The following SYNPR variants were observed in gnomAD, a reference collection of about 807,000 sequenced individuals.
The protein encoded by SYNPR is synaptoporin.
A neutral mutation model predicts 32.9 loss-of-function variants in SYNPR; 23 were observed. The observed-to-expected ratio is 0.70, with a 90% CI of 0.50 to 0.99. The LOEUF (loss-of-function observed/expected upper bound fraction) is 0.99, where lower values mean the gene tolerates loss of function less well. Among genes scored for constraint, SYNPR ranks in the 50% least tolerant of loss-of-function variants. The pLI, the probability that SYNPR is intolerant of heterozygous loss-of-function variation, is 0.00. For missense variants in SYNPR, 318 were observed against 349.3 expected (o/e 0.91, Z 0.71); for synonymous variants, 146 against 135.9 (o/e 1.07, Z -0.52).
intron 2 of SYNPR, among the ~76,000 whole-genome samples, chr3:63,262,493 T>G (rs2086447491): frequency 6.6e-6 from 1 of 152,162 alleles, no homozygotes; most frequent in Non-Finnish European, 1.5e-5. Flanking sequence ...CCCCTGCACT[T>G]CTAGACTGTG....
At chr3:63,367,264 G>A (rs1001592548) in intron 2 of SYNPR, among the ~76,000 whole-genome samples, 1 of 152,118 alleles carries the variant, frequency 6.6e-6, no homozygotes, top group Non-Finnish European at 1.5e-5. Context: ...AATTCAGAGT[G>A]TTGAGTTAGA....
intron 3 of SYNPR, among the ~76,000 whole-genome samples, chr3:63,273,156 TA>T (rs2086549701): frequency 6.6e-6 from 1 of 152,204 alleles, no homozygotes; most frequent in African/African-American, 2.4e-5. Flanking sequence ...ACTTCAGTTC[TA>T]CAGAGAAATT....
At chr3:63,444,513 G>T (rs1352864399) in intron 2 of SYNPR, among the ~76,000 whole-genome samples, 1 of 152,136 alleles carries the variant, frequency 6.6e-6, no homozygotes. Flanking sequence ...TGTGATGAAA[G>T]TTAAAGGCAC....
chr3:63,396,195 C>T (rs1272186455), intron 2 of SYNPR, among the ~76,000 whole-genome samples: 2 of 152,110 alleles, frequency 1.3e-5, no homozygotes, highest in Non-Finnish European at 2.9e-5. Context: ...AGTTGGTATG[C>T]CCTCACTATA....
At chr3:63,425,778 G>T (rs1475465848) in intron 2 of SYNPR, among the ~76,000 whole-genome samples, 3 of 146,134 alleles carry the variant, frequency 2.1e-5, no homozygotes, top group Admixed American at 6.9e-5. Context: ...TATGGAAATA[G>T]ACTTTTTTTT....
intron 2 of SYNPR, among the ~76,000 whole-genome samples, chr3:63,303,107 T>A (rs966798722): frequency 3.8e-4 from 58 of 151,918 alleles, no homozygotes; most frequent in African/African-American, 1.1e-3. Context: ...GATTGTTGGT[T>A]ACAAAAATTT....
At chr3:63,465,508 TTAA>T (rs1700660755) in intron 2 of SYNPR, among the ~76,000 whole-genome samples, 1 of 151,914 alleles carries the variant, frequency 6.6e-6, no homozygotes, top group East Asian at 1.9e-4. Context: ...TATAGATTGC[TTAA>T]TAATCTGATC....
At chr3:63,310,538 A>G (rs996496372) in intron 2 of SYNPR, among the ~76,000 whole-genome samples, 2 of 151,978 alleles carry the variant, frequency 1.3e-5, no homozygotes, top group Admixed American at 6.6e-5. Context: ...TTCCTATTTC[A>G]TATAGATTCT....
intron 2 of SYNPR, among the ~76,000 whole-genome samples, chr3:63,261,711 T>TATAATAATAATAATAATAATAATA (rs60616720): frequency 2.1e-5 from 3 of 145,598 alleles, no homozygotes; most frequent in African/African-American, 7.7e-5. Context: ...AAACTTAAAG[T>TATAATAATAATAATAATAATAATA]ATAATAATAA....
chr3:63,405,159 G>T (rs546841209), intron 2 of SYNPR, among the ~76,000 whole-genome samples: 1 of 152,238 alleles, frequency 6.6e-6, no homozygotes, highest in East Asian at 1.9e-4. Flanking sequence ...TCTCAAGTGA[G>T]AAGCATGGCT....
chr3:63,261,333 T>C (rs1380642498), intron 2 of SYNPR, among the ~76,000 whole-genome samples: 5 of 151,810 alleles, frequency 3.3e-5, no homozygotes, highest in South Asian at 2.1e-4. Context: ...CCAACAATGA[T>C]AGACAGGATT....
intron 2 of SYNPR, among the ~76,000 whole-genome samples, chr3:63,467,201 T>C (rs1700700390): frequency 6.6e-6 from 1 of 152,052 alleles, no homozygotes; most frequent in Non-Finnish European, 1.5e-5. Context: ...ATTTAATTTA[T>C]TTATTTTGTA....
intron 2 of SYNPR, among the ~76,000 whole-genome samples, chr3:63,474,166 A>G (rs61555145): frequency 0.073 from 11,078 of 152,134 alleles, 1,098 homozygotes; most frequent in African/African-American, 0.21. Context: ...TTGTCCCCCA[A>G]AAGGGCAAGA....
intron 2 of SYNPR, among the ~76,000 whole-genome samples, chr3:63,379,618 C>A (rs1175046981): frequency 6.6e-6 from 1 of 152,016 alleles, no homozygotes; most frequent in Non-Finnish European, 1.5e-5. Context: ...TTTACTTTAT[C>A]TCATTTTAAT....
At chr3:63,582,730 T>A (rs1703112932) in intron 4 of SYNPR, among the ~76,000 whole-genome samples, 1 of 152,080 alleles carries the variant, frequency 6.6e-6, no homozygotes, top group Admixed American at 6.6e-5. Context: ...AAATCCTTAA[T>A]GGTTAGGGAC....
intron 1 of SYNPR, among the ~76,000 whole-genome samples, chr3:63,235,386 C>CTTTTTTTTGAATTTT (rs763447165): frequency 6.6e-6 from 1 of 152,064 alleles, no homozygotes; most frequent in Non-Finnish European, 1.5e-5. Flanking sequence ...GAAAAGAGAA[C>CTTTTTTTTGAATTTT]TTGAATTTAC....
At chr3:63,573,631 G>C (rs1162267379) in intron 4 of SYNPR, among the ~76,000 whole-genome samples, 2 of 152,148 alleles carry the variant, frequency 1.3e-5, no homozygotes, top group Non-Finnish European at 2.9e-5. Flanking sequence ...AATTGCCAAA[G>C]TCACACAGTT....
Position 63,523,502 on chromosome 3 carries a change from C to G in SYNPR, c.210-33041C>G, listed in dbSNP as rs535288088. Among the ~76,000 whole-genome samples, 10 of 152,278 alleles carry G rather than the reference C, an allele frequency of 6.6e-5. No individual in the cohort carries two copies. The South Asian group carries it at 2.1e-3, about 32-fold the overall frequency. ...CCTACCTCATCCCAGGAATTATTCT[C>G]TCCCTTTGCCCCTAATCACCAAAGG... On this transcript the variant is annotated intron_variant, in intron 3 of 5. Transcript: ENST00000478300.
intron 2 of SYNPR, among the ~76,000 whole-genome samples, chr3:63,383,662 A>G (rs1311318248): frequency 6.6e-6 from 1 of 152,206 alleles, no homozygotes; most frequent in Admixed American, 6.5e-5. Flanking sequence ...ATAAATAAAA[A>G]TAAAAGAGGC....
Sources: allele counts gnomAD v4.1 joint callset (sites outside exome capture counted in the v4.1 genomes callset), GRCh38; gene constraint gnomAD v4.1.1; transcripts MANE v1.5; gene names NCBI Gene and HGNC (gene_info 2026-07-23, HGNC 2026-07-21).